GFRA2: variants seen among roughly 807,000 people sequenced by gnomAD.
The protein encoded by GFRA2 is GDNF family receptor alpha 2.
GFRA2 carries 17 observed loss-of-function variants against 48.3 expected under a neutral mutation model. That is an observed-to-expected ratio of 0.35 (90% CI 0.24 to 0.53). GFRA2 has a LOEUF of 0.53. GFRA2 is among the 20% of genes least tolerant of loss of function. The pLI is 0.93. For missense variants in GFRA2, 660 were observed against 637.3 expected (o/e 1.04, Z -0.38); for synonymous variants, 305 against 257.2 (o/e 1.19, Z -1.78).
upstream of GFRA2, among the ~76,000 whole-genome samples, chr8:21,790,408 A>G (rs1193279962): frequency 1.3e-5 from 2 of 152,260 alleles, no homozygotes; most frequent in African/African-American, 2.4e-5. Flanking sequence ...TTAAATAACA[A>G]GACTCTGGAA....
upstream of GFRA2, chr8:21,790,113 A>G (rs1274350475): frequency 1.0e-6 from 1 of 984,956 alleles, no homozygotes; most frequent in African/African-American, 1.7e-5. Context: ...GCCCAGAAGG[A>G]CCTAAAAGGA....
intron 6 of GFRA2, among the ~76,000 whole-genome samples, chr8:21,703,754 AC>A (rs1375628147): frequency 6.6e-6 from 1 of 151,830 alleles, no homozygotes; most frequent in Non-Finnish European, 1.5e-5. Flanking sequence ...AGATCCCTCC[AC>A]CCCATCTCCC....
chr8:21,701,386 T>A (rs899834362), intron 7 of GFRA2, among the ~76,000 whole-genome samples: 1 of 152,140 alleles, frequency 6.6e-6, no homozygotes, highest in Non-Finnish European at 1.5e-5. Context: ...ACTGCGAGAC[T>A]CCGTCTCAAA....
chr8:21,714,027 C>T (rs1454548051), intron 4 of GFRA2, among the ~76,000 whole-genome samples: 3 of 152,194 alleles, frequency 2.0e-5, no homozygotes, highest in South Asian at 2.1e-4. Flanking sequence ...CCTATCGCCA[C>T]GGAGACACAC....
Position 21,751,716 on chromosome 8 carries a change from T to C in GFRA2, c.440-774A>G, listed in dbSNP as rs373446690. 1.4e-4 allele frequency among the ~76,000 whole-genome samples: 22 copies of C among 152,174 alleles called. 1 individual carries two copies. The highest frequency in any genetic ancestry group is 1.0e-3 in the South Asian group (5 of 4,812). On this transcript the variant is annotated intron_variant, in intron 3 of 8. Coordinates refer to ENST00000524240, the MANE Select transcript of GFRA2 (RefSeq NM_001495.5). ...CTTGGGGTGAGGAGGTAGGCTGAGG[T>C]CACACGTCCCTCTCACGTGGGCCAG...
chr8:21,800,817 T>C (rs1807757014), intron 2 of GFRA2, among the ~76,000 whole-genome samples: 1 of 151,932 alleles, frequency 6.6e-6, no homozygotes, highest in Non-Finnish European at 1.5e-5. Flanking sequence ...TCTCAGCTAC[T>C]TGGGAGGCTG....
Position 21,693,189 on chromosome 8 carries a change from G to C in GFRA2, c.*89C>G, listed in dbSNP as rs575713010. 7 of 1,313,584 alleles carry C rather than the reference G, an allele frequency of 5.3e-6. No individual in the cohort carries two copies. The African/African-American group carries it at 1.1e-4, about 20-fold the overall frequency. The allele number at this position is 1,313,584 out of a possible 1,614,324, so 81.4% of individuals were successfully genotyped here. A position where few individuals can be genotyped will look rare whatever the true frequency, so the allele number is the denominator to read the frequency against. Reference sequence around the variant, plus strand: ...AAAAACAATTTTTTTTTTGCAAGGTGTGTGTGTGTCTGTGTGTGTTTCCAT... The same window carrying C: ...AAAAACAATTTTTTTTTTGCAAGGTCTGTGTGTGTCTGTGTGTGTTTCCAT... On this transcript the variant is annotated 3_prime_UTR_variant, in exon 9 of 9. Coordinates refer to ENST00000524240, the MANE Select transcript of GFRA2 (RefSeq NM_001495.5).
At chr8:21,775,351 C>G (rs1038895320) in intron 2 of GFRA2, among the ~76,000 whole-genome samples, 4 of 152,208 alleles carry the variant, frequency 2.6e-5, no homozygotes, top group Non-Finnish European at 5.9e-5. Context: ...GGCCAGCCCC[C>G]TTGGAAGGAC....
intron 4 of GFRA2, among the ~76,000 whole-genome samples, chr8:21,748,989 G>A (rs1211012565): frequency 1.3e-5 from 2 of 152,040 alleles, no homozygotes; most frequent in African/African-American, 4.8e-5. Flanking sequence ...CTCCTCCCCT[G>A]GACACCCAGG....
intron 7 of GFRA2, among the ~76,000 whole-genome samples, chr8:21,700,248 A>G (rs543677007): frequency 6.6e-6 from 1 of 151,484 alleles, no homozygotes; most frequent in South Asian, 2.1e-4. Context: ...CAAGGTATAT[A>G]TTTAATATAC....
intron 4 of GFRA2, among the ~76,000 whole-genome samples, chr8:21,718,926 CCT>C (rs972547694): frequency 2.6e-5 from 4 of 151,748 alleles, no homozygotes; most frequent in Admixed American, 6.6e-5. Context: ...TACCCATCCC[CCT>C]GTCCCAGTGT....
chr8:21,714,246 C>CTTTTCTTT (rs1803218368), intron 4 of GFRA2, among the ~76,000 whole-genome samples: 2 of 78,400 alleles, frequency 2.6e-5, no homozygotes, highest in Non-Finnish European at 4.5e-5. Context: ...GTCTGAAGTT[C>CTTTTCTTT]TTTTTTTTTT....
At chr8:21,696,417 A>G (rs1414475693) in intron 7 of GFRA2, among the ~76,000 whole-genome samples, 1 of 151,924 alleles carries the variant, frequency 6.6e-6, no homozygotes, top group Non-Finnish European at 1.5e-5. Context: ...AATTGTTTGG[A>G]TAATAGTCTA....
intron 4 of GFRA2, among the ~76,000 whole-genome samples, chr8:21,736,069 G>A (rs771805684): frequency 5.3e-5 from 8 of 152,130 alleles, no homozygotes; most frequent in Non-Finnish European, 1.2e-4. Context: ...GTCCCACGTT[G>A]GGGATCCAAG....
intron 4 of GFRA2, among the ~76,000 whole-genome samples, chr8:21,724,049 G>C (rs1803736686): frequency 6.6e-6 from 1 of 152,150 alleles, no homozygotes; most frequent in Admixed American, 6.5e-5. Flanking sequence ...AAACAAGAGA[G>C]GCCATCTGCC....
intron 7 of GFRA2, 86 bp downstream of exon 7, chr8:21,702,719 C>G: frequency 7.5e-7 from 1 of 1,338,556 alleles, no homozygotes; most frequent in Non-Finnish European, 1.0e-6. Flanking sequence ...AGGGAGGACC[C>G]TCCCTCCCTG....
chr8:21,698,504 G>A (rs1802319708), intron 7 of GFRA2, among the ~76,000 whole-genome samples: 7 of 152,110 alleles, frequency 4.6e-5, no homozygotes, highest in Admixed American at 3.9e-4. Flanking sequence ...TCTGGCCCAG[G>A]CGCTAGTCTA....
chr8:21,787,045 G>A (rs916996209), intron 1 of GFRA2, among the ~76,000 whole-genome samples: 4 of 151,962 alleles, frequency 2.6e-5, no homozygotes, highest in Non-Finnish European at 4.4e-5. Flanking sequence ...CTATGGGAGC[G>A]TCTACTCCCT....
At chr8:21,774,581 TC>T (rs1167920421) in intron 3 of GFRA2, among the ~76,000 whole-genome samples, 1 of 152,068 alleles carries the variant, frequency 6.6e-6, no homozygotes, top group African/African-American at 2.4e-5. Context: ...GGTACGGTAC[TC>T]CCCCATCACA....
Sources: allele counts gnomAD v4.1 joint callset (sites outside exome capture counted in the v4.1 genomes callset), GRCh38; gene constraint gnomAD v4.1.1; transcripts MANE v1.5; gene names NCBI Gene and HGNC (gene_info 2026-07-23, HGNC 2026-07-21).